Variants in PCSK6 observed in about 807,000 individuals in gnomAD.
PCSK6 encodes the protein paired basic amino acid cleaving enzyme 4.
Under a neutral mutation model 123.3 loss-of-function variants are expected in PCSK6, and 85 were observed. The observed-to-expected ratio is 0.69, with a 90% CI of 0.58 to 0.83. The LOEUF is 0.83. Ranked by LOEUF, PCSK6 falls within the 40% of genes least tolerant of loss-of-function variation. The pLI, the probability that PCSK6 is intolerant of heterozygous loss-of-function variation, is 0.00. For missense variants in PCSK6, 1,191 were observed against 1,282.3 expected (o/e 0.93, Z 1.09); for synonymous variants, 508 against 516.0 (o/e 0.98, Z 0.21).
At position 101,305,631 on chromosome 15, in the gene PCSK6, C is replaced by T; in HGVS notation, c.2813-276G>A. 2.8e-6 allele frequency: 1 copy of T among 355,608 alleles called. No individual in the cohort carries two copies. The highest frequency in any genetic ancestry group is 5.3e-6 in the Non-Finnish European group (1 of 190,192). 22.0% of individuals were successfully genotyped at this position (355,608 alleles called of 1,614,324 possible). A position where few individuals can be genotyped will look rare whatever the true frequency, so the allele number is the denominator to read the frequency against. Reference sequence around the variant, plus strand: ...GCTAAAGCAGGAGAACCACCTGAACCCAGGAGGCAGAGGTTGCAGTGAGCT... The same window carrying T: ...GCTAAAGCAGGAGAACCACCTGAACTCAGGAGGCAGAGGTTGCAGTGAGCT... On this transcript the variant is annotated intron_variant, in intron 21 of 21. Transcript: ENST00000611716. This position sits in a 1 kb window ranked among gnomAD's most constrained non-coding sequence, Gnocchi z 4.8.
intron 13 of PCSK6, among the ~76,000 whole-genome samples, chr15:101,332,675 G>A (rs956491103): frequency 2.8e-4 from 42 of 152,228 alleles, no homozygotes; most frequent in Admixed American, 2.2e-3. Flanking sequence ...GCAGGGGGAT[G>A]AGTAGACAGA....
intron 11 of PCSK6, among the ~76,000 whole-genome samples, chr15:101,375,220 TGA>T (rs1485780071): frequency 6.6e-6 from 1 of 152,142 alleles, no homozygotes. Context: ...CCCAAACTGT[TGA>T]GATTACAGGC....
At chr15:101,461,188 G>A (rs977922431) in intron 1 of PCSK6, among the ~76,000 whole-genome samples, 7 of 152,136 alleles carry the variant, frequency 4.6e-5, no homozygotes, top group African/African-American at 1.4e-4. Flanking sequence ...GGATGTAACC[G>A]CAGATCAAGC....
intron 6 of PCSK6, among the ~76,000 whole-genome samples, chr15:101,420,017 T>A (rs1490933932): frequency 6.6e-6 from 1 of 151,792 alleles, no homozygotes; most frequent in Non-Finnish European, 1.5e-5. Context: ...TGAAACACCG[T>A]CTTTACATAA....
At chr15:101,392,850 C>T (rs765787147) in intron 8 of PCSK6, among the ~76,000 whole-genome samples, 12 of 152,130 alleles carry the variant, frequency 7.9e-5, no homozygotes, top group East Asian at 1.9e-4. Context: ...CTGTTGTACA[C>T]GCTGGAACTG....
chr15:101,377,640 TAG>T (rs1442539471), intron 11 of PCSK6, among the ~76,000 whole-genome samples: 1 of 152,222 alleles, frequency 6.6e-6, no homozygotes, highest in Non-Finnish European at 1.5e-5. Context: ...TCTTCATAAA[TAG>T]AGTTGTTTTA....
At chr15:101,411,401 T>C (rs903572082) in intron 6 of PCSK6, among the ~76,000 whole-genome samples, 3 of 149,876 alleles carry the variant, frequency 2.0e-5, no homozygotes, top group African/African-American at 7.4e-5. Flanking sequence ...GAGCGGGGAG[T>C]CCGCCTCGCA....
chr15:101,334,669 T>C (rs2040438506), intron 13 of PCSK6, among the ~76,000 whole-genome samples: 1 of 152,218 alleles, frequency 6.6e-6, no homozygotes, highest in Non-Finnish European at 1.5e-5. Flanking sequence ...CTAGAGGCTA[T>C]CATTTGAGTT....
chr15:101,485,796 C>A (rs753850487), intron 1 of PCSK6, among the ~76,000 whole-genome samples: 19 of 152,130 alleles, frequency 1.2e-4, no homozygotes, highest in Non-Finnish European at 2.4e-4. Context: ...GGACCTTACT[C>A]TTCCATATGA....
intron 6 of PCSK6, among the ~76,000 whole-genome samples, chr15:101,419,361 A>G (rs573894605): frequency 6.6e-6 from 1 of 152,280 alleles, no homozygotes; most frequent in Non-Finnish European, 1.5e-5. Flanking sequence ...CTAATAAGAA[A>G]TGTATAAAAT....
intron 13 of PCSK6, among the ~76,000 whole-genome samples, chr15:101,355,411 G>A (rs912538014): frequency 2.6e-4 from 40 of 152,248 alleles, no homozygotes; most frequent in Non-Finnish European, 1.2e-4. Context: ...GAAGACTGTG[G>A]GAGGTGCCCC....
At chr15:101,466,075 C>T (rs189463752) in intron 1 of PCSK6, among the ~76,000 whole-genome samples, 26 of 152,160 alleles carry the variant, frequency 1.7e-4, no homozygotes, top group African/African-American at 4.6e-4. Flanking sequence ...AAACAATGTC[C>T]GTGCTCCAAA....
intron 1 of PCSK6, among the ~76,000 whole-genome samples, chr15:101,450,840 T>C: frequency 6.6e-6 from 1 of 152,012 alleles, no homozygotes; most frequent in Non-Finnish European, 1.5e-5. Context: ...CTCCCGGCTG[T>C]ATGGTCTGGG....
At chr15:101,364,937 G>A (rs1401300817) in intron 13 of PCSK6, 1 of 757,984 alleles carries the variant, frequency 1.3e-6, no homozygotes, top group East Asian at 2.4e-5. Context: ...AAAACAATAT[G>A]GTACTGACTC....
At chr15:101,488,430 G>T (rs2141286729) in intron 1 of PCSK6, among the ~76,000 whole-genome samples, 1 of 152,350 alleles carries the variant, frequency 6.6e-6, no homozygotes, top group Non-Finnish European at 1.5e-5. Context: ...TGAGGGTAAT[G>T]CCGCCTTTGT....
chr15:101,379,777 G>T (rs1403218604), intron 11 of PCSK6, among the ~76,000 whole-genome samples: 2 of 152,202 alleles, frequency 1.3e-5, no homozygotes, highest in Non-Finnish European at 2.9e-5. Context: ...TGGGAACCCC[G>T]ATGGGGAAAA....
intron 6 of PCSK6, among the ~76,000 whole-genome samples, chr15:101,426,452 G>A (rs2056258433): frequency 6.6e-6 from 1 of 152,176 alleles, no homozygotes. Flanking sequence ...AAGGCTCCAG[G>A]GAGAACTTAT....
chr15:101,432,023 G>C lies in PCSK6; in HGVS notation c.480C>G (p.Phe160Leu). ...QVRSDPQALY[F>L]NDPIWSNMWY... ...ACATGTTGGACCAAATGGGGTCGTT[G>C]AAGTAAAGGGCCTGCGGGTCACTTC... The change falls in exon 3 of 22, where the codon TTC (phenylalanine) becomes TTG (leucine). Residue 160 changes from phenylalanine to leucine, a missense_variant. Around this residue, in one of 3 missense-constraint regions of PCSK6, gnomAD observed 357 missense variants for 484.5 expected, o/e 0.74. Coordinates refer to ENST00000611716, the MANE Select transcript of PCSK6 (RefSeq NM_002570.5). 1 of 1,613,592 alleles carries C rather than the reference G, an allele frequency of 6.2e-7. No homozygotes were observed. Among genetic ancestry groups the C allele is most frequent in the Non-Finnish European group, 8.5e-7 (1 of 1,179,746 alleles).
intron 11 of PCSK6, 79 bp downstream of exon 11, chr15:101,382,013 C>T: frequency 1.1e-6 from 1 of 928,846 alleles, no homozygotes; most frequent in Non-Finnish European, 1.7e-6. Context: ...GTGAACACCT[C>T]CCCCAGCCAC....
Sources: allele counts gnomAD v4.1 joint callset (sites outside exome capture counted in the v4.1 genomes callset), GRCh38; gene constraint gnomAD v4.1.1; regional missense constraint gnomAD v4.1.1; non-coding constraint Gnocchi (gnomAD v3.1); transcripts MANE v1.5; gene names NCBI Gene and HGNC (gene_info 2026-07-23, HGNC 2026-07-21).